Variants in CCDC171 observed in about 807,000 individuals in gnomAD.
CCDC171 encodes coiled-coil domain containing 171, also known as coiled-coil domain-containing protein 171.
In CCDC171, 177 loss-of-function variants were observed where a neutral mutation model predicts 168.2. That is an observed-to-expected ratio of 1.05 (90% confidence interval 0.93 to 1.19). The LOEUF (loss-of-function observed/expected upper bound fraction) is 1.19, where lower values mean the gene tolerates loss of function less well. Among genes scored for constraint, CCDC171 ranks in the 50% most tolerant of loss-of-function variants. CCDC171 has a pLI of 0.00. For synonymous variants in CCDC171, 687 were observed against 540.8 expected (o/e 1.27, Z -3.75); for missense variants, 1,991 against 1,539.0 (o/e 1.29, Z -4.91).
chr9:15,868,301 G>A (rs1395095761), intron 23 of CCDC171, among the ~76,000 whole-genome samples: 6 of 152,160 alleles, frequency 3.9e-5, no homozygotes, highest in South Asian at 2.1e-4. Flanking sequence ...TGGAATGCCT[G>A]CTTCTGCTGA....
chr9:15,656,976 A>G (rs1270634047), intron 7 of CCDC171, 151 bp from the exon 8 acceptor site: 1 of 445,574 alleles, frequency 2.2e-6, no homozygotes, highest in African/African-American at 2.0e-5. Flanking sequence ...CTTCCTGAGC[A>G]TGAATTTTAC....
chr9:15,807,402 G>C (rs1294265450), intron 21 of CCDC171, among the ~76,000 whole-genome samples: 2 of 152,166 alleles, frequency 1.3e-5, no homozygotes, highest in Non-Finnish European at 2.9e-5. Context: ...ACTTTATTCA[G>C]ATAAGCAGTT....
rs905318263 is a variant in CCDC171, at chr9:15,961,014, C to CA, written c.3754-10586dup. Among the ~76,000 whole-genome samples, 54 of 146,838 alleles carry CA rather than the reference C, an allele frequency of 3.7e-4. 2 individuals carry two copies. Among genetic ancestry groups the CA allele is most frequent in the Admixed American group, 1.3e-3 (19 of 14,752 alleles). On this transcript the variant is annotated intron_variant, in intron 25 of 25. Coordinates refer to ENST00000380701, the MANE Select transcript of CCDC171 (RefSeq NM_173550.4). ...AACAGCAGTGGAAGGGAGGGGCATG[C>CA]AAAAAAAAATGGGTTTCAAATTGCA...
At chr9:15,990,075 G>A (rs910053585) in intron 3 of CCDC171, among the ~76,000 whole-genome samples, 7 of 151,988 alleles carry the variant, frequency 4.6e-5, no homozygotes, top group African/African-American at 1.7e-4. Context: ...GAAATACAGA[G>A]AACACCACAA....
At chr9:15,896,249 A>G (rs1024486243) in intron 24 of CCDC171, among the ~76,000 whole-genome samples, 10 of 152,020 alleles carry the variant, frequency 6.6e-5, no homozygotes, top group African/African-American at 9.7e-5. Context: ...TTTAAGTTGT[A>G]TATGCCATGG....
At chr9:15,953,957 G>A (rs376515750) in intron 25 of CCDC171, among the ~76,000 whole-genome samples, 8 of 151,704 alleles carry the variant, frequency 5.3e-5, no homozygotes, top group African/African-American at 1.7e-4. Flanking sequence ...TCAATTTGTC[G>A]GTACAATTGT....
chr9:15,614,066 C>T (rs958437634), intron 6 of CCDC171, among the ~76,000 whole-genome samples: 1 of 152,168 alleles, frequency 6.6e-6, no homozygotes, highest in Non-Finnish European at 1.5e-5. Flanking sequence ...GCATTCAATG[C>T]TTTTGTGGGC....
At chr9:15,909,564 A>T (rs1436450453) in intron 24 of CCDC171, among the ~76,000 whole-genome samples, 1 of 152,204 alleles carries the variant, frequency 6.6e-6, no homozygotes, top group African/African-American at 2.4e-5. Flanking sequence ...ACCAAACATC[A>T]AACTAGAGTA....
chr9:16,107,447 G>A, the CCDC171 span, among the ~76,000 whole-genome samples: 1 of 151,920 alleles, frequency 6.6e-6, no homozygotes, highest in Non-Finnish European at 1.5e-5. Context: ...GTATGATATT[G>A]CCCCCATGGA....
intron 7 of CCDC171, among the ~76,000 whole-genome samples, chr9:15,626,732 A>AT (rs2045153640): frequency 6.6e-6 from 1 of 152,126 alleles, no homozygotes; most frequent in African/African-American, 2.4e-5. Flanking sequence ...TTTACTGAGG[A>AT]TTTTTGCATC....
At chr9:15,793,462 A>C (rs1369445359) in intron 21 of CCDC171, among the ~76,000 whole-genome samples, 1 of 151,814 alleles carries the variant, frequency 6.6e-6, no homozygotes, top group African/African-American at 2.4e-5. Flanking sequence ...GCTCTGCACC[A>C]AGCGGACCTA....
intron 21 of CCDC171, among the ~76,000 whole-genome samples, chr9:15,828,104 T>C (rs16933655): frequency 0.019 from 2,837 of 152,260 alleles, 158 homozygotes; most frequent in Admixed American, 0.12. Flanking sequence ...AACAAAGAGA[T>C]AGGGCAGGGG....
At chr9:15,931,855 C>T (rs1316173303) in intron 25 of CCDC171, among the ~76,000 whole-genome samples, 1 of 151,632 alleles carries the variant, frequency 6.6e-6, no homozygotes, top group Non-Finnish European at 1.5e-5. Context: ...TTTAGTTTTC[C>T]CAATACTATT....
intron 25 of CCDC171, among the ~76,000 whole-genome samples, chr9:15,932,977 T>G (rs967406687): frequency 6.6e-6 from 1 of 152,050 alleles, no homozygotes; most frequent in Admixed American, 6.6e-5. Context: ...TTTAATGTGC[T>G]GTTGAGTTTG....
chr9:15,981,185 C>G (rs1240034527), intron 3 of CCDC171, among the ~76,000 whole-genome samples: 1 of 152,086 alleles, frequency 6.6e-6, no homozygotes, highest in Non-Finnish European at 1.5e-5. Context: ...AAACCCTAAC[C>G]CCCAATGTGA....
At chr9:16,047,344 G>A (rs1018500829) in intron 1 of CCDC171, among the ~76,000 whole-genome samples, 3 of 152,086 alleles carry the variant, frequency 2.0e-5, no homozygotes, top group African/African-American at 4.8e-5. Context: ...ATCTGGGAGC[G>A]ATCCTAACCA....
the CCDC171 span, among the ~76,000 whole-genome samples, chr9:16,067,675 A>C: frequency 6.6e-6 from 1 of 152,184 alleles, no homozygotes; most frequent in Non-Finnish European, 1.5e-5. Context: ...TCAGCTTTCT[A>C]CATATGGCTA....
At chr9:16,097,596 C>T in the CCDC171 span, among the ~76,000 whole-genome samples, 1 of 152,182 alleles carries the variant, frequency 6.6e-6, no homozygotes, top group East Asian at 1.9e-4. Flanking sequence ...AATGAGCAAG[C>T]ATACTATCTC....
rs144676393 is a variant in CCDC171, at chr9:15,623,463, A to ACGCGTGCGCGCGCG, written c.822+50_822+51insCGCGTGCGCGCGCG. The ACGCGTGCGCGCGCG allele has an allele frequency of 4.7e-6, 3 of 633,912 alleles. 1 individual carries two copies. Among genetic ancestry groups the ACGCGTGCGCGCGCG allele is most frequent in the Admixed American group, 2.9e-5 (1 of 34,436 alleles). The allele number at this position is 633,912 out of a possible 1,614,324, so 39.3% of individuals were successfully genotyped here. On this transcript the variant is annotated intron_variant, in intron 7 of 25. Transcript: ENST00000380701. ...TATATATGCGTACAAACTTTCACAT[A>ACGCGTGCGCGCGCG]TGCGCGCGCGCGCACACACACACAC...
Sources: allele counts gnomAD v4.1 joint callset (sites outside exome capture counted in the v4.1 genomes callset), GRCh38; gene constraint gnomAD v4.1.1; transcripts MANE v1.5; gene names NCBI Gene and HGNC (gene_info 2026-07-23, HGNC 2026-07-21).